Variants in KSR2 observed in about 807,000 individuals in gnomAD.
KSR2 encodes the protein kinase suppressor of ras 2.
Under a neutral mutation model 107.8 loss-of-function variants are expected in KSR2, and 25 were observed. The observed-to-expected ratio is 0.23, with a 90% CI of 0.17 to 0.32. KSR2 has a LOEUF of 0.32. Ranked by LOEUF, KSR2 falls within the 10% of genes least tolerant of loss-of-function variation. KSR2 has a pLI of 1.00. For missense variants in KSR2, 887 were observed against 1,268.9 expected, an observed-to-expected ratio of 0.70 and a Z score of 4.57; for synonymous variants, 480 against 507.0, an observed-to-expected ratio of 0.95 and a Z score of 0.71.
intron 3 of KSR2, among the ~76,000 whole-genome samples, chr12:117,815,988 A>G (rs2137062827): frequency 7.8e-6 from 1 of 127,688 alleles, no homozygotes; most frequent in South Asian, 2.8e-4. Context: ...AAAAAAAAAT[A>G]AAGTGTGTGT....
At chr12:117,686,979 C>G (rs375590655) in intron 4 of KSR2, among the ~76,000 whole-genome samples, 142 of 152,270 alleles carry the variant, frequency 9.3e-4, no homozygotes, top group African/African-American at 3.3e-3. Flanking sequence ...GGCGGGCTGG[C>G]TGGCTGGGTG....
At chr12:117,642,297 C>T (rs763789204) in intron 5 of KSR2, among the ~76,000 whole-genome samples, 47 of 152,150 alleles carry the variant, frequency 3.1e-4, no homozygotes, top group Admixed American at 7.9e-4. Flanking sequence ...TCCTCGTTGC[C>T]CATCACAGCG....
chr12:117,550,811 T>C (rs1682559494), intron 9 of KSR2, among the ~76,000 whole-genome samples: 1 of 144,254 alleles, frequency 6.9e-6, no homozygotes, highest in African/African-American at 2.6e-5. Flanking sequence ...GTCAGGGTCA[T>C]GATGGAAGAC....
At chr12:117,930,416 T>C (rs888328506) in intron 1 of KSR2, among the ~76,000 whole-genome samples, 2 of 152,166 alleles carry the variant, frequency 1.3e-5, no homozygotes, top group Non-Finnish European at 1.5e-5. Flanking sequence ...AACTTTAATA[T>C]GCACAGAAAT....
chr12:117,567,862 A>G (rs576419215), intron 7 of KSR2, among the ~76,000 whole-genome samples: 37 of 150,802 alleles, frequency 2.5e-4, no homozygotes, highest in Non-Finnish European at 3.2e-4. Context: ...CTGCATACCA[A>G]CTGAGCATTC....
intron 3 of KSR2, among the ~76,000 whole-genome samples, chr12:117,772,290 CAT>C (rs1889509579): frequency 1.4e-5 from 2 of 145,426 alleles, no homozygotes; most frequent in Non-Finnish European, 3.0e-5. Flanking sequence ...CACACTCACA[CAT>C]ACACACCATT....
chr12:117,724,872 G>T (rs1351060105), intron 4 of KSR2, among the ~76,000 whole-genome samples: 2 of 142,148 alleles, frequency 1.4e-5, no homozygotes, highest in African/African-American at 5.0e-5. Context: ...GGGAGGGAGG[G>T]ATTTCAAGAA....
At chr12:117,868,934 A>G (rs1025034082) in intron 1 of KSR2, among the ~76,000 whole-genome samples, 1 of 151,890 alleles carries the variant, frequency 6.6e-6, no homozygotes, top group African/African-American at 2.4e-5. Context: ...TATTTTCAGT[A>G]GAGATGAGGT....
intron 14 of KSR2, among the ~76,000 whole-genome samples, chr12:117,520,271 T>C (rs557793293): frequency 5.2e-4 from 79 of 152,304 alleles, no homozygotes; most frequent in African/African-American, 1.8e-3. Flanking sequence ...CAAGGATAAA[T>C]AGGAGAACCT....
chr12:117,697,688 C>T (rs1477871296), intron 4 of KSR2, among the ~76,000 whole-genome samples: 3 of 147,676 alleles, frequency 2.0e-5, no homozygotes, highest in African/African-American at 5.0e-5. Flanking sequence ...TGCAGTCAGC[C>T]GAGATCGCGC....
At chr12:117,671,919 C>G (rs938841375) in intron 4 of KSR2, among the ~76,000 whole-genome samples, 1 of 152,056 alleles carries the variant, frequency 6.6e-6, no homozygotes, top group Non-Finnish European at 1.5e-5. Flanking sequence ...TTGGTTTAAG[C>G]CTGGGGGCAT....
chr12:117,671,150 A>G (rs1335953256), intron 4 of KSR2, among the ~76,000 whole-genome samples: 1 of 151,990 alleles, frequency 6.6e-6, no homozygotes, highest in Non-Finnish European at 1.5e-5. Flanking sequence ...GCTAAACCCT[A>G]CTTGTCTTTT....
intron 1 of KSR2, among the ~76,000 whole-genome samples, chr12:117,888,246 G>T (rs935884562): frequency 2.0e-5 from 3 of 151,742 alleles, no homozygotes; most frequent in Non-Finnish European, 2.9e-5. Context: ...AATGCTTCTG[G>T]GAATATTCAA....
chr12:117,478,100 G>A (rs149202558), intron 16 of KSR2, among the ~76,000 whole-genome samples: 2 of 152,208 alleles, frequency 1.3e-5, no homozygotes, highest in East Asian at 1.9e-4. Flanking sequence ...TGCATATCTC[G>A]AATCATCCTC....
chr12:117,887,914 C>T (rs983862108), intron 1 of KSR2, among the ~76,000 whole-genome samples: 4 of 152,192 alleles, frequency 2.6e-5, no homozygotes, highest in African/African-American at 9.6e-5. Context: ...GCAAAGGGAA[C>T]GTCACTGGCC....
intron 1 of KSR2, among the ~76,000 whole-genome samples, chr12:117,938,162 G>A (rs559328271): frequency 2.0e-5 from 3 of 152,062 alleles, no homozygotes; most frequent in East Asian, 1.9e-4. Flanking sequence ...TTAGCATCAC[G>A]TCACCAGATC....
intron 4 of KSR2, among the ~76,000 whole-genome samples, chr12:117,697,313 C>T (rs1370655270): frequency 1.3e-5 from 2 of 152,198 alleles, no homozygotes; most frequent in Non-Finnish European, 2.9e-5. Flanking sequence ...CTCCTCCACC[C>T]CCAGAGGGCT....
chr12:117,694,066 T>G (rs1885946347), intron 4 of KSR2, among the ~76,000 whole-genome samples: 1 of 151,614 alleles, frequency 6.6e-6, no homozygotes, highest in Admixed American at 6.6e-5. Flanking sequence ...GTGGAGGAGG[T>G]GGAGAAACAG....
At chr12:117,821,431 TCTTC>T (rs1445869686) in intron 3 of KSR2, among the ~76,000 whole-genome samples, 1 of 152,252 alleles carries the variant, frequency 6.6e-6, no homozygotes, top group Non-Finnish European at 1.5e-5. Flanking sequence ...ATATATTTTC[TCTTC>T]CTTATGATTT....
Sources: allele counts gnomAD v4.1 joint callset (sites outside exome capture counted in the v4.1 genomes callset), GRCh38; gene constraint gnomAD v4.1.1; transcripts MANE v1.5; gene names NCBI Gene and HGNC (gene_info 2026-07-23, HGNC 2026-07-21).